The following KLF13 variants were observed in gnomAD, a reference collection of about 807,000 sequenced individuals.
KLF13 encodes Krueppel-like factor 13.
A neutral mutation model predicts 16.7 loss-of-function variants in KLF13; 8 were observed. The ratio of observed to expected loss-of-function variants is 0.48; its 90% CI spans 0.28 to 0.87. KLF13 has a LOEUF of 0.87. Ranked by LOEUF, KLF13 falls within the 40% of genes least tolerant of loss-of-function variation. The pLI, the probability that KLF13 is intolerant of heterozygous loss-of-function variation, is 0.10. For synonymous variants in KLF13, 245 were observed against 208.4 expected (o/e 1.18, Z -1.51); for missense variants, 447 against 452.2 (o/e 0.99, Z 0.10).
intron 1 of KLF13, among the ~76,000 whole-genome samples, chr15:31,430,837 G>A (rs2141015695): frequency 6.6e-6 from 1 of 152,272 alleles, no homozygotes; most frequent in South Asian, 2.1e-4. Flanking sequence ...CCAAGTATTG[G>A]TGAGACCTTG....
At chr15:31,343,170 G>A (rs913304356) in intron 1 of KLF13, among the ~76,000 whole-genome samples, 3 of 152,266 alleles carry the variant, frequency 2.0e-5, no homozygotes, top group African/African-American at 7.2e-5. Context: ...GTGACTGGGT[G>A]TAGAGTGGCG....
At chr15:31,354,424 A>G (rs1051514846) in intron 1 of KLF13, among the ~76,000 whole-genome samples, 3 of 152,184 alleles carry the variant, frequency 2.0e-5, no homozygotes, top group Admixed American at 1.3e-4. Context: ...CCTGTTGCCC[A>G]GGCTGGAGTG....
At chr15:31,426,120 T>C (rs535218959) in intron 1 of KLF13, among the ~76,000 whole-genome samples, 3 of 152,300 alleles carry the variant, frequency 2.0e-5, no homozygotes, top group South Asian at 2.1e-4. Flanking sequence ...TGGACTTTAT[T>C]GTGCATATCA....
intron 1 of KLF13, among the ~76,000 whole-genome samples, chr15:31,421,091 A>G (rs1007967118): frequency 1.3e-5 from 2 of 151,986 alleles, no homozygotes; most frequent in African/African-American, 4.8e-5. Context: ...CTGTGGTATT[A>G]TTTTTGTTTT....
intron 2 of KLF13, among the ~76,000 whole-genome samples, chr15:31,398,537 C>T (rs1439026852): frequency 6.6e-6 from 1 of 152,132 alleles, no homozygotes; most frequent in Non-Finnish European, 1.5e-5. Flanking sequence ...CTGCCTGGCC[C>T]CCAGGGTACT....
chr15:31,370,738 C>G (rs2039544867), intron 1 of KLF13, among the ~76,000 whole-genome samples: 1 of 152,186 alleles, frequency 6.6e-6, no homozygotes, highest in East Asian at 1.9e-4. Context: ...CTCTGAACTT[C>G]TTTGTATGGT....
chr15:31,342,337 G>A (rs1216380093), intron 1 of KLF13, among the ~76,000 whole-genome samples: 1 of 152,214 alleles, frequency 6.6e-6, no homozygotes. Context: ...ACACTGGGCA[G>A]TCTTGGGTGA....
intron 1 of KLF13, among the ~76,000 whole-genome samples, chr15:31,347,943 C>T (rs1354128408): frequency 2.6e-5 from 4 of 152,254 alleles, no homozygotes; most frequent in Admixed American, 1.3e-4. Context: ...AAGAGAGCTG[C>T]GCTTCTCAGT....
chr15:31,371,539 A>G (rs947713436), intron 1 of KLF13, among the ~76,000 whole-genome samples: 4 of 152,234 alleles, frequency 2.6e-5, no homozygotes, highest in African/African-American at 7.2e-5. Flanking sequence ...CAGAATGGGA[A>G]TTGCCTTCCT....
In KLF13 at chr15:31,354,386, G is replaced by A. The variant is rs147038911; in HGVS notation, c.578-17624G>A. ...ATATATTAATAGTTTTGTAATTTTT[G>A]TTTTTGTTTTTGAGACAGAGTTACA... is the stretch of plus-strand genomic sequence containing the variant. On this transcript the variant is annotated intron_variant, in intron 1 of 1. Transcript: ENST00000307145. Among the ~76,000 whole-genome samples, 268 of 152,196 alleles carry A rather than the reference G, an allele frequency of 1.8e-3. 2 individuals carry two copies. The highest frequency in any genetic ancestry group is 5.7e-3 in the African/African-American group (238 of 41,532).
intron 1 of KLF13, among the ~76,000 whole-genome samples, chr15:31,353,995 G>T (rs946931673): frequency 4.6e-5 from 7 of 152,214 alleles, no homozygotes; most frequent in African/African-American, 1.7e-4. Context: ...TCAGACTCCA[G>T]GACCCAGGTT....
At chr15:31,425,077 C>T (rs2040385087) in intron 1 of KLF13, among the ~76,000 whole-genome samples, 1 of 151,872 alleles carries the variant, frequency 6.6e-6, no homozygotes, top group Non-Finnish European at 1.5e-5. Context: ...TAAGCTTAAT[C>T]AAGGAGGTGA....
At chr15:31,350,535 G>A (rs929401616) in intron 1 of KLF13, among the ~76,000 whole-genome samples, 6 of 152,228 alleles carry the variant, frequency 3.9e-5, no homozygotes, top group African/African-American at 7.2e-5. Context: ...TTATGCCCCT[G>A]CAGGGTTCAG....
intron 2 of KLF13, among the ~76,000 whole-genome samples, chr15:31,397,665 G>A (rs994378370): frequency 7.9e-5 from 12 of 152,190 alleles, no homozygotes; most frequent in African/African-American, 2.7e-4. Context: ...GATTTGTTGA[G>A]GACTAAATGA....
chr15:31,330,694 C>T (rs538029112), intron 1 of KLF13, among the ~76,000 whole-genome samples: 2 of 152,238 alleles, frequency 1.3e-5, no homozygotes, highest in Non-Finnish European at 2.9e-5. Context: ...GTTTCCCACT[C>T]CCACTCTTCC....
intron 1 of KLF13, among the ~76,000 whole-genome samples, chr15:31,334,295 G>T (rs1299913671): frequency 6.6e-6 from 1 of 152,258 alleles, no homozygotes; most frequent in Admixed American, 6.5e-5. Context: ...GCCACAGGCA[G>T]CCTGTCTCCT....
At chr15:31,371,514 TA>T in intron 1 of KLF13, among the ~76,000 whole-genome samples, 2 of 152,236 alleles carry the variant, frequency 1.3e-5, no homozygotes, top group Non-Finnish European at 2.9e-5. Flanking sequence ...TGTGACAGAC[TA>T]GACTGAGGAG....
chr15:31,367,498 A>G (rs528752680), intron 1 of KLF13, among the ~76,000 whole-genome samples: 116 of 152,220 alleles, frequency 7.6e-4, no homozygotes, highest in Admixed American at 2.5e-3. Context: ...CGTCCCATCC[A>G]TTGGATGCTG....
intron 1 of KLF13, among the ~76,000 whole-genome samples, chr15:31,361,548 C>T (rs190817076): frequency 1.3e-5 from 2 of 152,040 alleles, no homozygotes; most frequent in African/African-American, 4.8e-5. Context: ...CAAGGTCCCC[C>T]CCAGGAGACA....
Sources: allele counts gnomAD v4.1 joint callset (sites outside exome capture counted in the v4.1 genomes callset), GRCh38; gene constraint gnomAD v4.1.1; transcripts MANE v1.5; gene names NCBI Gene and HGNC (gene_info 2026-07-23, HGNC 2026-07-21).